DDRGK1: variants seen among roughly 807,000 people sequenced by gnomAD.
DDRGK1 encodes the protein DDRGK domain containing 1.
In DDRGK1, 38 loss-of-function variants were observed where a neutral mutation model predicts 45.8. The observed-to-expected ratio is 0.83, with a 90% confidence interval of 0.64 to 1.09. The LOEUF (loss-of-function observed/expected upper bound fraction) is 1.09. DDRGK1 is among the 50% of genes least tolerant of loss of function. DDRGK1 has a pLI of 0.00. For synonymous variants in DDRGK1, 171 were observed against 168.7 expected (o/e 1.01, Z -0.11); for missense variants, 403 against 419.9 (o/e 0.96, Z 0.35).
At chr20:3,200,793 T>C (rs924653967) in intron 2 of DDRGK1, among the ~76,000 whole-genome samples, 2 of 151,572 alleles carry the variant, frequency 1.3e-5, no homozygotes, top group Admixed American at 6.6e-5. Context: ...CTGGCAATCA[T>C]GGTGAAACCC....
intron 4 of DDRGK1, among the ~76,000 whole-genome samples, chr20:3,197,988 C>T (rs1371339793): frequency 6.8e-6 from 1 of 148,146 alleles, no homozygotes; most frequent in Admixed American, 6.8e-5. Context: ...CAGTGGTGCA[C>T]ACCTGTAGCC....
chr20:3,191,883 G>A (rs976104670), intron 6 of DDRGK1, 62 bp from the exon 7 acceptor site: 35 of 1,526,270 alleles, frequency 2.3e-5, no homozygotes, highest in Non-Finnish European at 1.8e-6. Context: ...CTAAGCATGG[G>A]CACCCTCCAG....
At position 3,191,047 on chromosome 20, in the gene DDRGK1, C is replaced by G. The variant is rs1017234707; in HGVS notation, c.778+143G>C. On this transcript the variant is annotated intron_variant, in intron 8 of 8. Coordinates refer to ENST00000354488, the MANE Select transcript of DDRGK1 (RefSeq NM_023935.3). ...CCCTGGCATGTCCTCCTTGTAACTG[C>G]ATCCAGCTACTCAGTGCCCCTCCTT... 1.3e-5 allele frequency: 16 copies of G among 1,209,128 alleles called. No individual in the cohort carries two copies. The African/African-American group carries it at 2.4e-4, about 18-fold the overall frequency. The allele number at this position is 1,209,128 out of a possible 1,614,324, so 74.9% of individuals were successfully genotyped here. A position where few individuals can be genotyped will look rare whatever the true frequency, so the allele number is the denominator to read the frequency against.
In DDRGK1 at chr20:3,195,327, C is replaced by T; in HGVS notation, c.537G>A (p.Glu179=). The T allele has an allele frequency of 6.2e-7, 1 of 1,608,254 alleles. No individual in the cohort carries two copies. The highest frequency in any genetic ancestry group is 2.2e-5 in the East Asian group (1 of 44,860). The change falls in exon 5 of 9, where the codon GAG becomes GAA. Residue 179 remains glutamate (E), a synonymous_variant. Transcript: ENST00000354488. ...CCTCATGCTCCCGCTGGGCCTGCTC[C>T]TCGCGGGCCTTCCTCTCCTCCTCCT... The part of the protein sequence containing the change: ...QKEEEERKAR[E]EQAQREHEEY...
At position 3,194,954 on chromosome 20, in the gene DDRGK1, T is replaced by C. The variant is rs77769840; in HGVS notation, c.634-86A>G. ...ATTCACCCAAGTACCACCTGCTCAC[T>C]TGAGGGCCACCTGCCTGCAGCCTGC... On this transcript the variant is annotated intron_variant, in intron 5 of 8. Transcript: ENST00000354488. 24,541 of 1,546,530 alleles carry C rather than the reference T, an allele frequency of 0.016. 278 individuals are homozygous for C. The highest frequency in any genetic ancestry group is 0.017 in the Non-Finnish European group (19,147 of 1,134,274).
rs756186239 is a variant in DDRGK1 at position 3,191,771 on chromosome 20, G to C, written c.723C>G (p.Arg241=). 6.2e-7 allele frequency: 1 copy of C among 1,605,382 alleles called. No homozygotes were observed. Among genetic ancestry groups the C allele is most frequent in the South Asian group, 1.1e-5 (1 of 89,100 alleles). The change falls in exon 7 of 9, where the codon CGC becomes CGG. Residue 241 remains arginine (R), a synonymous_variant. Transcript: ENST00000354488. ...GCCACGTTCCAGGGCTTACCTGAGT[G>C]CGTAGGCCCACCTGGGAAGCCAGGT... The part of the protein sequence containing the change: ...LEDLASQVGL[R]TQDTINRIQD...
chr20:3,204,459 C>T, intron 1 of DDRGK1, 78 bp downstream of exon 1: 1 of 1,427,698 alleles, frequency 7.0e-7, no homozygotes, highest in East Asian at 2.5e-5. Flanking sequence ...GCGCAGGAGC[C>T]GCGGCGCGAC....
chr20:3,191,921 G>T (rs952902182), intron 6 of DDRGK1, 100 bp from the exon 7 acceptor site: 32 of 1,255,068 alleles, frequency 2.5e-5, no homozygotes, highest in Non-Finnish European at 3.4e-5. Context: ...ATCTGTTCTC[G>T]GTGGCTGGAA....
chr20:3,201,977 T>TTTCTGAA (rs1293568190), intron 2 of DDRGK1, among the ~76,000 whole-genome samples: 1 of 113,680 alleles, frequency 8.8e-6, no homozygotes, highest in East Asian at 2.7e-4. Flanking sequence ...AGGGTTTTTT[T>TTTCTGAA]TGTTTGTTTA....
intron 6 of DDRGK1, among the ~76,000 whole-genome samples, chr20:3,192,811 C>T (rs1411574922): frequency 1.3e-5 from 2 of 152,216 alleles, no homozygotes; most frequent in African/African-American, 2.4e-5. Context: ...GGAGGACTGA[C>T]ATGGTGACAC....
chr20:3,199,769 T>C (rs945957201), intron 4 of DDRGK1, among the ~76,000 whole-genome samples: 2 of 152,158 alleles, frequency 1.3e-5, no homozygotes, highest in Non-Finnish European at 2.9e-5. Context: ...GTTCCTCACA[T>C]GCTCCCCGAA....
chr20:3,198,773 G>A (rs2067023331), intron 4 of DDRGK1, among the ~76,000 whole-genome samples: 1 of 135,132 alleles, frequency 7.4e-6, no homozygotes, highest in Non-Finnish European at 1.6e-5. Flanking sequence ...AAGGAGACAT[G>A]ACCACTAAAT....
intron 2 of DDRGK1, 48 bp from the exon 3 acceptor site, chr20:3,200,502 T>C (rs2067031994): frequency 1.3e-6 from 2 of 1,509,518 alleles, no homozygotes; most frequent in Admixed American, 2.0e-5. Flanking sequence ...CAGAGAGGAC[T>C]GATGACGATG....
Position 3,200,361 on chromosome 20 carries a change from G to C in DDRGK1, c.389C>G (p.Ala130Gly), listed in dbSNP as rs542080578. The change falls in exon 3 of 9, where the codon GCG (alanine) becomes GGG (glycine). Residue 130 changes from alanine to glycine, a missense_variant. By Grantham distance (60) the Ala-to-Gly change is moderately conservative (BLOSUM62 0). Coordinates refer to ENST00000354488, the MANE Select transcript of DDRGK1 (RefSeq NM_023935.3). Reference protein sequence around the residue: ...KKLRKLEEKQARKAQREAEEA... With the variant: ...KKLRKLEEKQGRKAQREAEEA... ...GCTTGCCTCACGCTGGGCCTTTCGC[G>C]CTTGTTTCTCCTCCAGCTTCCGCAG... The C allele has an allele frequency of 1.3e-5, 21 of 1,571,100 alleles. No individual in the cohort carries two copies. The highest frequency in any genetic ancestry group is 2.7e-5 in the African/African-American group (2 of 73,954).
chr20:3,193,350 G>C (rs1302991535), intron 6 of DDRGK1, among the ~76,000 whole-genome samples: 1 of 152,186 alleles, frequency 6.6e-6, no homozygotes, highest in Non-Finnish European at 1.5e-5. Flanking sequence ...AGAAGAATTA[G>C]CCAGCACAGG....
chr20:3,204,450 CGCA>C, intron 1 of DDRGK1, 84 bp downstream of exon 1: 2 of 1,385,222 alleles, frequency 1.4e-6, no homozygotes, highest in Non-Finnish European at 2.0e-6. Context: ...GGTGCGCACG[CGCA>C]GGAGCCGCGG....
chr20:3,204,292 C>T (rs889816100), intron 1 of DDRGK1, among the ~76,000 whole-genome samples: 1 of 152,126 alleles, frequency 6.6e-6, no homozygotes, highest in Non-Finnish European at 1.5e-5. Flanking sequence ...ATGGAGTTCC[C>T]GGGGGTGAAG....
chr20:3,194,201 C>T (rs1298028326), intron 6 of DDRGK1, among the ~76,000 whole-genome samples: 1 of 152,198 alleles, frequency 6.6e-6, no homozygotes, highest in Non-Finnish European at 1.5e-5. Flanking sequence ...CCCCCGCTCC[C>T]TCTGCACTCC....
chr20:3,204,391 C>G, intron 1 of DDRGK1, 146 bp downstream of exon 1: 5 of 783,404 alleles, frequency 6.4e-6, no homozygotes, highest in Non-Finnish European at 1.0e-5. Flanking sequence ...GCGGAAGCCC[C>G]ACCCGGCACA....
Sources: allele counts gnomAD v4.1 joint callset (sites outside exome capture counted in the v4.1 genomes callset), GRCh38; gene constraint gnomAD v4.1.1; transcripts MANE v1.5; gene names NCBI Gene and HGNC (gene_info 2026-07-23, HGNC 2026-07-21).